The following ELFN2 variants were observed in gnomAD, a reference collection of about 807,000 sequenced individuals.
The protein encoded by ELFN2 is extracellular leucine rich repeat and fibronectin type III domain containing 2, also known as protein phosphatase 1 regulatory subunit 29.
In ELFN2, 17 loss-of-function variants were observed where a neutral mutation model predicts 45.5. That is an observed-to-expected ratio of 0.37 (90% CI 0.26 to 0.56). The LOEUF (loss-of-function observed/expected upper bound fraction) is 0.56. Among genes scored for constraint, ELFN2 ranks in the 20% least tolerant of loss-of-function variants. The pLI is 0.77. For missense variants in ELFN2, 922 were observed against 1,183.2 expected (o/e 0.78, Z 3.24); for synonymous variants, 550 against 551.5 (o/e 1.00, Z 0.04).
rs1350828133 is a variant in ELFN2, at chr22:37,375,644, C to A, written c.-110G>T. On this transcript the variant is annotated 5_prime_UTR_variant, in exon 3 of 3. Coordinates refer to ENST00000402918, the MANE Select transcript of ELFN2 (RefSeq NM_052906.5). ...GGGGCCGCCACCATCTTGGGGGCGA[C>A]CCCCAGCACGGGGGCCCCAGGCAAG... 2.2e-6 allele frequency: 3 copies of A among 1,348,598 alleles called. No homozygotes were observed. Among genetic ancestry groups the A allele is most frequent in the Admixed American group, 2.9e-5 (1 of 34,506 alleles). 83.5% of individuals were successfully genotyped at this position (1,348,598 alleles called of 1,614,324 possible). A position where few individuals can be genotyped will look rare whatever the true frequency, so the allele number is the denominator to read the frequency against.
Position 37,375,842 on chromosome 22 carries a change from T to TCCG in ELFN2, c.-309_-308insCGG. On this transcript the variant is annotated 5_prime_UTR_variant, in exon 3 of 3. Transcript: ENST00000402918. Reference sequence around the variant, plus strand: ...TCAGGGCTTGACTTCCTCTCCCTCCTCCTCCTCCTCCTCCTCCTCCTCCTC... The same window carrying TCCG: ...TCAGGGCTTGACTTCCTCTCCCTCCTCCGCCTCCTCCTCCTCCTCCTCCTCCTC... 2.6e-6 allele frequency: 1 copy of TCCG among 385,208 alleles called. No individual in the cohort carries two copies. The highest frequency in any genetic ancestry group is 4.8e-6 in the Non-Finnish European group (1 of 210,246). 23.9% of individuals were successfully genotyped at this position (385,208 alleles called of 1,614,324 possible).
chr22:37,351,729 C>T (rs1442447897), intron 1 of ELFN2, among the ~76,000 whole-genome samples: 1 of 150,918 alleles, frequency 6.6e-6, no homozygotes, highest in Non-Finnish European at 1.5e-5. Flanking sequence ...CGAGCCCTTC[C>T]CGCTCAGACT....
At chr22:37,398,451 C>T (rs1167043016) in intron 2 of ELFN2, among the ~76,000 whole-genome samples, 1 of 152,096 alleles carries the variant, frequency 6.6e-6, no homozygotes, top group African/African-American at 2.4e-5. Flanking sequence ...CCGCCCTGGG[C>T]TCCACCACCC....
At chr22:37,352,067 C>T (rs1383839444) in intron 1 of ELFN2, 1 of 150,942 alleles carries the variant, frequency 6.6e-6, no homozygotes, top group Admixed American at 6.6e-5. Context: ...CCAGGTAGCC[C>T]AAGAAGGTGC....
chr22:37,421,963 G>A (rs1398658196), intron 1 of ELFN2, among the ~76,000 whole-genome samples: 1 of 152,200 alleles, frequency 6.6e-6, no homozygotes, highest in Non-Finnish European at 1.5e-5. Context: ...ATGGGCCAAG[G>A]AGGGAAACTG....
At chr22:37,341,092 G>A (rs1034868420) in intron 2 of ELFN2, 1 of 152,546 alleles carries the variant, frequency 6.6e-6, no homozygotes, top group African/African-American at 2.4e-5. Context: ...GACAGCAAGT[G>A]AGCCAGACCA....
At chr22:37,413,440 T>A (rs551890867) in intron 2 of ELFN2, among the ~76,000 whole-genome samples, 1 of 151,558 alleles carries the variant, frequency 6.6e-6, no homozygotes, top group African/African-American at 2.4e-5. Flanking sequence ...TATGTGCCTG[T>A]AGTCCCAGCT....
rs759468646 is a variant in ELFN2, at chr22:37,374,494, C to A, written c.1041G>T (p.Thr347=). The A allele has an allele frequency of 6.2e-7, 1 of 1,614,226 alleles. No homozygotes were observed. Among genetic ancestry groups the A allele is most frequent in the Non-Finnish European group, 8.5e-7 (1 of 1,180,036 alleles). ...CAGTGTGCGCCCGCAGTTTGTCCAG[C>A]GTCACGATCTCCTTCTTGTTCTTGA... ...MTLKNKKEIV[T]LDKLRAHTEY... Residue 347 remains threonine (T), a synonymous_variant, in exon 3 of 3, where the codon ACG becomes ACT. Coordinates refer to ENST00000402918, the MANE Select transcript of ELFN2 (RefSeq NM_052906.5).
chr22:37,425,847 G>A (rs1046582251), intron 1 of ELFN2, among the ~76,000 whole-genome samples: 1 of 147,386 alleles, frequency 6.8e-6, no homozygotes, highest in African/African-American at 2.6e-5. Context: ...CGAGAACAGG[G>A]GTGTCAGCCA....
At chr22:37,363,588 G>A (rs759060346), downstream of ELFN2, among the ~76,000 whole-genome samples, 1 of 152,174 alleles carries the variant, frequency 6.6e-6, no homozygotes, top group Non-Finnish European at 1.5e-5. Context: ...AATGGGTGTC[G>A]TGGGCTTGGC....
At position 37,374,135 on chromosome 22, in the gene ELFN2, A is replaced by G. The variant is rs373313833; in HGVS notation, c.1400T>C (p.Val467Ala). 55 of 1,612,846 alleles carry G rather than the reference A, an allele frequency of 3.4e-5. No homozygotes were observed. Among genetic ancestry groups the G allele is most frequent in the Non-Finnish European group, 4.4e-5 (52 of 1,180,012 alleles). Residue 467 changes from valine to alanine, a missense_variant, in exon 3 of 3, where the codon GTA becomes GCA. By Grantham distance (64) the Val-to-Ala change is moderately conservative (BLOSUM62 0). Around this residue, in one of 2 missense-constraint regions of ELFN2, gnomAD observed 564 missense variants for 642.8 expected, o/e 0.88. Coordinates refer to ENST00000402918, the MANE Select transcript of ELFN2 (RefSeq NM_052906.5). ...GGAGGGGATGGAGGCCATGCGAGATACGGGCAGCACGGGAGGCTCGCCCAG... is the reference window on the plus strand; with the variant it reads ...GGAGGGGATGGAGGCCATGCGAGATGCGGGCAGCACGGGAGGCTCGCCCAG... ...QKLGEPPVLP[V>A]SRMASIPSMI... is the part of the protein sequence containing the mutation.
chr22:37,421,887 C>T (rs558854611), intron 1 of ELFN2, among the ~76,000 whole-genome samples: 1 of 152,130 alleles, frequency 6.6e-6, no homozygotes, highest in Non-Finnish European at 1.5e-5. Flanking sequence ...TGAGGCAGGT[C>T]GGCTGACCCC....
rs532264904 is a variant in ELFN2 at position 37,410,652 on chromosome 22, G to A, written c.-463+7117C>T. On this transcript the variant is annotated intron_variant, in intron 2 of 2. Transcript: ENST00000402918. ...ACGAGCCGGGCACTGACCGGAAACC[G>A]CAGGCGTGGATACTGCTGTCTTCCT... 1.2e-3 allele frequency among the ~76,000 whole-genome samples: 180 copies of A among 152,304 alleles called. 1 individual carries two copies. The highest frequency in any genetic ancestry group is 3.9e-3 in the African/African-American group (161 of 41,560).
chr22:37,375,354 G>T lies in ELFN2; in HGVS notation c.181C>A (p.Arg61=). The T allele has an allele frequency of 1.9e-6, 3 of 1,614,144 alleles. No homozygotes were observed. The highest frequency in any genetic ancestry group is 2.5e-6 in the Non-Finnish European group (3 of 1,180,018). ...GCTTTGAGCTTGTTCTCGTTGAGCC[G>T]CAGGTCGTGCACGGTGCTATTGATG... ...QHINSTVHDL[R]LNENKLKAVL... is the part of the protein sequence containing the mutation. Residue 61 remains arginine (R), a synonymous_variant, in exon 3 of 3, where the codon CGG becomes AGG. Coordinates refer to ENST00000402918, the MANE Select transcript of ELFN2 (RefSeq NM_052906.5).
chr22:37,369,514 CG>C lies in ELFN2; in HGVS notation c.*3557del, dbSNP rs1931302822. ...GGGCAGAGAGAGACTCTTCCTGCCG[CG>C]GGGAAAAGCAAGGCCGGGACCCGTG... On this transcript the variant is annotated 3_prime_UTR_variant, in exon 3 of 3. Transcript: ENST00000402918. 6.6e-6 allele frequency: 1 copy of C among 152,162 alleles called. No individual in the cohort carries two copies. The highest frequency in any genetic ancestry group is 1.5e-5 in the Non-Finnish European group (1 of 68,048). The allele number at this position is 152,162 out of a possible 1,614,324, so 9.4% of individuals were successfully genotyped here.
chr22:37,387,255 C>T (rs1050822145), intron 2 of ELFN2, among the ~76,000 whole-genome samples: 2 of 152,182 alleles, frequency 1.3e-5, no homozygotes, highest in East Asian at 1.9e-4. Flanking sequence ...TCCCCGGCCT[C>T]GGTTTCTCTC....
intron 1 of ELFN2, among the ~76,000 whole-genome samples, chr22:37,347,964 T>C (rs749452633): frequency 6.6e-6 from 1 of 152,192 alleles, no homozygotes; most frequent in Non-Finnish European, 1.5e-5. Flanking sequence ...CCTGCCCATC[T>C]CTGATCTCTT....
chr22:37,347,231 G>A (rs529940039), intron 1 of ELFN2, among the ~76,000 whole-genome samples: 6 of 152,056 alleles, frequency 3.9e-5, no homozygotes, highest in South Asian at 2.1e-4. Flanking sequence ...CGCCCGCCTC[G>A]GCCTCCCAAC....
rs761684294 is a variant in ELFN2 at position 37,374,254 on chromosome 22, C to T, written c.1281G>A (p.Glu427=). Residue 427 remains glutamate (E), a synonymous_variant, in exon 3 of 3, where the codon GAG becomes GAA. Coordinates refer to ENST00000402918, the MANE Select transcript of ELFN2 (RefSeq NM_052906.5). ...YCLRKRRMQE[E]KQKSVNVKKT... ...TCTTGACGTTGACAGACTTCTGCTT[C>T]TCCTCCTGCATGCGCCGCTTGCGCA... 34 of 1,613,892 alleles carry T rather than the reference C, an allele frequency of 2.1e-5. No individual in the cohort carries two copies. The highest frequency in any genetic ancestry group is 2.6e-5 in the Non-Finnish European group (31 of 1,180,056).
Sources: gnomAD v4.1 joint callset for allele counts (sites outside exome capture counted in the v4.1 genomes callset) on GRCh38, gnomAD v4.1.1 for gene constraint, gnomAD v4.1.1 regional missense constraint, MANE v1.5 for transcripts, NCBI Gene and HGNC (gene_info 2026-07-23, HGNC 2026-07-21) for gene names.